Variants in GABBR2 observed in about 807,000 individuals in gnomAD.
GABBR2 encodes the protein gamma-aminobutyric acid type B receptor subunit 2.
A neutral mutation model predicts 105.6 loss-of-function variants in GABBR2; 23 were observed. The ratio of observed to expected loss-of-function variants is 0.22; its 90% CI spans 0.16 to 0.31. The LOEUF (loss-of-function observed/expected upper bound fraction) is 0.31, where lower values mean the gene tolerates loss of function less well. Ranked by LOEUF, GABBR2 falls within the 10% of genes least tolerant of loss-of-function variation. GABBR2 has a pLI of 1.00. For synonymous variants in GABBR2, 478 were observed against 499.7 expected, an observed-to-expected ratio of 0.96 and a Z score of 0.58; for missense variants, 734 against 1,245.5, an observed-to-expected ratio of 0.59 and a Z score of 6.18.
chr9:98,636,632 T>G (rs1829881184), intron 1 of GABBR2, among the ~76,000 whole-genome samples: 1 of 151,738 alleles, frequency 6.6e-6, no homozygotes, highest in African/African-American at 2.4e-5. Flanking sequence ...TAGCTGGGAC[T>G]ACAGATGCAT....
chr9:98,568,696 T>G (rs1270194893), intron 2 of GABBR2, among the ~76,000 whole-genome samples: 1 of 152,198 alleles, frequency 6.6e-6, no homozygotes, highest in Non-Finnish European at 1.5e-5. Context: ...CCCACAGCCC[T>G]GTGTCCTAGG....
intron 1 of GABBR2, among the ~76,000 whole-genome samples, chr9:98,618,536 TTC>T (rs1829623116): frequency 6.8e-6 from 1 of 146,356 alleles, no homozygotes; most frequent in Non-Finnish European, 1.5e-5. Context: ...CTCTGACTCT[TTC>T]TGTCTCTTTC....
intron 1 of GABBR2, among the ~76,000 whole-genome samples, chr9:98,687,268 A>G (rs550233256): frequency 6.6e-6 from 1 of 151,812 alleles, no homozygotes; most frequent in Non-Finnish European, 1.5e-5. Flanking sequence ...GAACATTACT[A>G]TGAGGAAATG....
At chr9:98,620,250 T>TCTCTCTCTCTCTCTCTCTCCCC (rs1459154832) in intron 1 of GABBR2, among the ~76,000 whole-genome samples, 1 of 150,526 alleles carries the variant, frequency 6.6e-6, no homozygotes, top group African/African-American at 2.4e-5. Flanking sequence ...TCTCTCTTTC[T>TCTCTCTCTCTCTCTCTCTCCCC]CTCTCTCTCT....
At chr9:98,405,558 G>A (rs905359910) in intron 8 of GABBR2, among the ~76,000 whole-genome samples, 4 of 152,180 alleles carry the variant, frequency 2.6e-5, no homozygotes, top group Admixed American at 2.6e-4. Flanking sequence ...GGGAAGCACA[G>A]TTATCCCTAG....
rs1832115376 is a variant in GABBR2, at chr9:98,388,428, C to T, written c.1529+426G>A. On this transcript the variant is annotated intron_variant, in intron 10 of 18. Coordinates refer to ENST00000259455, the MANE Select transcript of GABBR2 (RefSeq NM_005458.8). The surrounding 1 kb of genome is among the most constrained non-coding windows in gnomAD (Gnocchi z 4.4). Reference sequence around the variant, plus strand: ...TTGTGACCCCCTTCAGTGGTGATTCCCAGCGATGCTAGGGGATAGGGGCAA... The same window carrying T: ...TTGTGACCCCCTTCAGTGGTGATTCTCAGCGATGCTAGGGGATAGGGGCAA... 6.6e-6 allele frequency among the ~76,000 whole-genome samples: 1 copy of T among 152,086 alleles called. No homozygotes were observed. The highest frequency in any genetic ancestry group is 2.1e-4 in the South Asian group (1 of 4,810).
rs1829889290 is a variant in GABBR2, at chr9:98,637,084, G to A, written c.322-59012C>T. On this transcript the variant is annotated intron_variant, in intron 1 of 18. Coordinates refer to ENST00000259455, the MANE Select transcript of GABBR2 (RefSeq NM_005458.8). The stretch of plus-strand genomic sequence containing the variant: ...CAACCCATCCCAACTTTGAAGAGCT[G>A]CAACCCTTAAAAACTTTCATCTGAT... Among the ~76,000 whole-genome samples, 5 of 152,172 alleles carry A rather than the reference G, an allele frequency of 3.3e-5. No individual in the cohort carries two copies. The South Asian group carries it at 8.3e-4, about 25-fold the overall frequency.
chr9:98,305,236 T>C (rs1830532633), intron 15 of GABBR2, among the ~76,000 whole-genome samples: 1 of 152,194 alleles, frequency 6.6e-6, no homozygotes, highest in Non-Finnish European at 1.5e-5. Context: ...GGTCAGCCCT[T>C]CAAATAAATG....
chr9:98,399,174 T>C (rs1405088232), intron 8 of GABBR2, among the ~76,000 whole-genome samples: 2 of 151,954 alleles, frequency 1.3e-5, no homozygotes, highest in Non-Finnish European at 2.9e-5. Context: ...GCCAACATGG[T>C]GAAACCCCGT....
At chr9:98,335,538 C>T (rs534887055) in intron 13 of GABBR2, among the ~76,000 whole-genome samples, 64 of 152,106 alleles carry the variant, frequency 4.2e-4, no homozygotes, top group Non-Finnish European at 8.2e-4. Flanking sequence ...ATGCACAGGG[C>T]CCTTTCTAAG....
chr9:98,527,529 G>A (rs1380040907), intron 3 of GABBR2, among the ~76,000 whole-genome samples: 3 of 152,006 alleles, frequency 2.0e-5, no homozygotes, highest in Non-Finnish European at 4.4e-5. Flanking sequence ...ATAAGATGTG[G>A]ATATATACAT....
chr9:98,519,112 G>A (rs888656018), intron 3 of GABBR2, among the ~76,000 whole-genome samples: 7 of 152,190 alleles, frequency 4.6e-5, no homozygotes, highest in Admixed American at 2.0e-4. Flanking sequence ...TTATTGCTGC[G>A]GCTTGTTAAT....
chr9:98,675,453 G>C (rs1275977862), intron 1 of GABBR2, among the ~76,000 whole-genome samples: 1 of 152,192 alleles, frequency 6.6e-6, no homozygotes, highest in Non-Finnish European at 1.5e-5. Context: ...AGCGGACACA[G>C]GGGAGGGCCA....
chr9:98,489,058 TACTC>T (rs1827120060), intron 4 of GABBR2, among the ~76,000 whole-genome samples: 1 of 152,242 alleles, frequency 6.6e-6, no homozygotes, highest in African/African-American at 2.4e-5. Context: ...CTGTTGCAAT[TACTC>T]AGTTCTGCCG....
intron 7 of GABBR2, among the ~76,000 whole-genome samples, chr9:98,424,605 CCTT>C (rs1360084128): frequency 2.0e-5 from 3 of 150,786 alleles, no homozygotes; most frequent in Admixed American, 6.6e-5. Flanking sequence ...CCCAAAATCT[CCTT>C]AAGCTGATAA....
rs1251517045 is a variant in GABBR2 at position 98,501,606 on chromosome 9, G to C, written c.631-5092C>G. 4.6e-5 allele frequency among the ~76,000 whole-genome samples: 7 copies of C among 152,260 alleles called. No homozygotes were observed. The East Asian group carries it at 1.4e-3, about 29-fold the overall frequency. On this transcript the variant is annotated intron_variant, in intron 3 of 18. Transcript: ENST00000259455. ...GTAGCAGCAAAGTGGTTCACACTCA[G>C]AGGACAGTTTTAAGTAAATGATTGA... is the stretch of plus-strand genomic sequence containing the variant.
chr9:98,578,864 C>A (rs1307657567), intron 1 of GABBR2, among the ~76,000 whole-genome samples: 1 of 152,158 alleles, frequency 6.6e-6, no homozygotes, highest in African/African-American at 2.4e-5. Context: ...TACAAAAAGA[C>A]AGCTATTATA....
intron 7 of GABBR2, among the ~76,000 whole-genome samples, chr9:98,436,986 A>G (rs1825938095): frequency 6.6e-6 from 1 of 152,126 alleles, no homozygotes; most frequent in South Asian, 2.1e-4. Flanking sequence ...ACTTTCTCAA[A>G]GAGTAACTGG....
At chr9:98,384,729 T>C (rs1448844768) in intron 11 of GABBR2, among the ~76,000 whole-genome samples, 2 of 152,246 alleles carry the variant, frequency 1.3e-5, no homozygotes, top group Non-Finnish European at 2.9e-5. Flanking sequence ...ATTAAATATA[T>C]ATATATCTCA....
Sources: gnomAD v4.1 joint callset for allele counts (sites outside exome capture counted in the v4.1 genomes callset) on GRCh38, gnomAD v4.1.1 for gene constraint, Gnocchi (gnomAD v3.1) non-coding constraint, MANE v1.5 for transcripts, NCBI Gene and HGNC (gene_info 2026-07-23, HGNC 2026-07-21) for gene names.